USP47: variants seen among roughly 807,000 people sequenced by gnomAD.
USP47 encodes the protein ubiquitin specific peptidase 47, also known as ubiquitin carboxyl-terminal hydrolase 47.
A neutral mutation model predicts 165.1 loss-of-function variants in USP47; 35 were observed. The observed-to-expected ratio is 0.21, with a 90% CI of 0.16 to 0.28. The LOEUF (loss-of-function observed/expected upper bound fraction) is 0.28, where lower values mean the gene tolerates loss of function less well. USP47 is among the 10% of genes least tolerant of loss of function. The probability of loss-of-function intolerance (pLI) is 1.00; values close to 1 mark genes in which losing one functional copy is unlikely to be tolerated. For missense variants in USP47, 1,277 were observed against 1,607.4 expected, an observed-to-expected ratio of 0.79 and a Z score of 3.52; for synonymous variants, 531 against 544.5, an observed-to-expected ratio of 0.98 and a Z score of 0.35.
At chr11:11,888,882 C>G (rs1246794657) in intron 3 of USP47, among the ~76,000 whole-genome samples, 4 of 152,158 alleles carry the variant, frequency 2.6e-5, no homozygotes, top group Non-Finnish European at 5.9e-5. Flanking sequence ...TCCCAGGATG[C>G]AAGGTTTGTT....
At chr11:11,889,881 G>A (rs1851401862) in intron 3 of USP47, among the ~76,000 whole-genome samples, 1 of 152,088 alleles carries the variant, frequency 6.6e-6, no homozygotes, top group Non-Finnish European at 1.5e-5. Context: ...GAACAGAATA[G>A]AGAACTCAGA....
intron 10 of USP47, among the ~76,000 whole-genome samples, chr11:11,922,290 A>G (rs1590383890): frequency 6.6e-6 from 1 of 152,084 alleles, no homozygotes; most frequent in East Asian, 1.9e-4. Context: ...TATCTGTAAT[A>G]CCTAACGCAC....
intron 1 of USP47, among the ~76,000 whole-genome samples, chr11:11,877,308 G>A (rs1850496657): frequency 1.3e-5 from 2 of 152,142 alleles, no homozygotes; most frequent in South Asian, 4.1e-4. Context: ...CTAAAATTCA[G>A]ATGAAGTCCA....
chr11:11,950,061 A>G (rs1390364127), intron 23 of USP47, 57 bp downstream of exon 23: 2 of 1,243,208 alleles, frequency 1.6e-6, no homozygotes, highest in East Asian at 2.4e-5. Flanking sequence ...GTCAGTTGAA[A>G]TGGACTGGTA....
At chr11:11,927,262 A>T (rs191818799) in intron 11 of USP47, among the ~76,000 whole-genome samples, 3 of 152,000 alleles carry the variant, frequency 2.0e-5, no homozygotes, top group African/African-American at 7.2e-5. Context: ...TTTGAACATG[A>T]TATGCCTAAA....
At position 11,958,468 on chromosome 11, in the gene USP47, G is replaced by A. The variant is rs1397081067; in HGVS notation, c.*2293G>A. 1 of 152,224 alleles carries A rather than the reference G, an allele frequency of 6.6e-6. No individual in the cohort carries two copies. Among genetic ancestry groups the A allele is most frequent in the Non-Finnish European group, 1.5e-5 (1 of 68,038 alleles). 9.4% of individuals were successfully genotyped at this position (152,224 alleles called of 1,614,324 possible). On this transcript the variant is annotated 3_prime_UTR_variant, in exon 28 of 28. Coordinates refer to ENST00000527733, the MANE Select transcript of USP47 (RefSeq NM_001282659.2). Reference sequence around the variant, plus strand: ...GCCTCCCTCTGCTTCAGAGAGTCAGGTGAGCATCCATAACCTAACAGGCAG... The same window carrying A: ...GCCTCCCTCTGCTTCAGAGAGTCAGATGAGCATCCATAACCTAACAGGCAG...
intron 4 of USP47, among the ~76,000 whole-genome samples, chr11:11,894,876 A>G (rs1169434752): frequency 6.6e-6 from 1 of 152,002 alleles, no homozygotes; most frequent in Non-Finnish European, 1.5e-5. Context: ...TACTGGCACC[A>G]CTTCTAGCAA....
intron 16 of USP47, 38 bp from the exon 17 acceptor site, chr11:11,936,265 T>C (rs190150520): frequency 1.9e-5 from 21 of 1,115,382 alleles, no homozygotes; most frequent in African/African-American, 9.6e-5. Context: ...TATATATGTA[T>C]ATATATTTTT....
At chr11:11,943,588 A>G (rs1165325499) in intron 20 of USP47, 1 of 152,098 alleles carries the variant, frequency 6.6e-6, no homozygotes, top group Non-Finnish European at 1.5e-5. Flanking sequence ...CGCTCTTAAA[A>G]TTTTTTCTGT....
intron 19 of USP47, 140 bp from the exon 20 acceptor site, chr11:11,942,195 A>T: frequency 2.0e-6 from 2 of 1,010,242 alleles, no homozygotes; most frequent in Middle Eastern, 3.2e-4. Context: ...CTCCAAAACA[A>T]TAGAGTCCTT....
In USP47 at chr11:11,959,266, C is replaced by T. The variant is rs1847349490; in HGVS notation, c.*3091C>T. 1 of 152,200 alleles carries T rather than the reference C, an allele frequency of 6.6e-6. No homozygotes were observed. Among genetic ancestry groups the T allele is most frequent in the Non-Finnish European group, 1.5e-5 (1 of 68,040 alleles). The allele number at this position is 152,200 out of a possible 1,614,324, so 9.4% of individuals were successfully genotyped here. A position where few individuals can be genotyped will look rare whatever the true frequency, so the allele number is the denominator to read the frequency against. On this transcript the variant is annotated 3_prime_UTR_variant, in exon 28 of 28. Transcript: ENST00000527733. Reference sequence around the variant, plus strand: ...TGTAGTCTAAACCACATTACGTGGACTAGAGGATACTCTGAATTAGCAAGT... The same window carrying T: ...TGTAGTCTAAACCACATTACGTGGATTAGAGGATACTCTGAATTAGCAAGT...
Position 11,898,914 on chromosome 11 carries a change from A to G in USP47, c.593+1221A>G, listed in dbSNP as rs1274205307. On this transcript the variant is annotated intron_variant, in intron 5 of 27. Transcript: ENST00000527733. ...TCAGATAGTGTTCCGAGCACTTTATATATAGACTCACTTAATTCTCATAGT... is the reference window on the plus strand; with the variant it reads ...TCAGATAGTGTTCCGAGCACTTTATGTATAGACTCACTTAATTCTCATAGT... Among the ~76,000 whole-genome samples, 4 of 152,230 alleles carry G rather than the reference A, an allele frequency of 2.6e-5. No individual in the cohort carries two copies. The East Asian group carries it at 7.7e-4, about 29-fold the overall frequency.
chr11:11,851,563 A>G (rs1848729190), intron 1 of USP47, among the ~76,000 whole-genome samples: 1 of 152,222 alleles, frequency 6.6e-6, no homozygotes. Flanking sequence ...TTAACATCTT[A>G]TATAACCATA....
chr11:11,948,253 G>C (rs1564894179), intron 21 of USP47, 133 bp downstream of exon 21: 1 of 1,128,908 alleles, frequency 8.9e-7, no homozygotes, highest in Non-Finnish European at 1.2e-6. Flanking sequence ...TGGTAATTTG[G>C]GGGGTTTTTT....
At chr11:11,896,288 C>G (rs1211704971) in intron 4 of USP47, among the ~76,000 whole-genome samples, 1 of 152,132 alleles carries the variant, frequency 6.6e-6, no homozygotes, top group Non-Finnish European at 1.5e-5. Flanking sequence ...AGGTCACAAA[C>G]AAGTGATACA....
intron 5 of USP47, among the ~76,000 whole-genome samples, 177 bp downstream of exon 5, chr11:11,897,870 T>C (rs970572335): frequency 6.6e-6 from 1 of 152,046 alleles, no homozygotes; most frequent in African/African-American, 2.4e-5. Flanking sequence ...ATATGAAAAA[T>C]GTGTGCGGAG....
At chr11:11,878,065 G>A (rs1002180118) in intron 1 of USP47, among the ~76,000 whole-genome samples, 2 of 151,796 alleles carry the variant, frequency 1.3e-5, no homozygotes, top group Admixed American at 1.3e-4. Context: ...GTTTTTTTCT[G>A]TATAACATAT....
intron 1 of USP47, among the ~76,000 whole-genome samples, chr11:11,847,737 C>T (rs990940003): frequency 6.6e-6 from 1 of 152,194 alleles, no homozygotes. Context: ...TCTAATTGGT[C>T]AGTCTGCTTC....
At chr11:11,938,168 T>G in intron 17 of USP47, 89 bp from the exon 18 acceptor site, 1 of 1,099,718 alleles carries the variant, frequency 9.1e-7, no homozygotes, top group Non-Finnish European at 1.3e-6. Flanking sequence ...ATTTGTCACC[T>G]GTTAGAAACA....
Sources: gnomAD v4.1 joint callset for allele counts (sites outside exome capture counted in the v4.1 genomes callset) on GRCh38, gnomAD v4.1.1 for gene constraint, MANE v1.5 for transcripts, NCBI Gene and HGNC (gene_info 2026-07-23, HGNC 2026-07-21) for gene names.